CELF3: variants seen among roughly 807,000 people sequenced by gnomAD.
CELF3 encodes CAG repeat domain.
Under a neutral mutation model 59.6 loss-of-function variants are expected in CELF3, and 26 were observed. That is an observed-to-expected ratio of 0.44 (90% CI 0.32 to 0.61). The LOEUF (loss-of-function observed/expected upper bound fraction) is 0.61, where lower values mean the gene tolerates loss of function less well. Ranked by LOEUF, CELF3 falls within the 20% of genes least tolerant of loss-of-function variation. The pLI, the probability that CELF3 is intolerant of heterozygous loss-of-function variation, is 0.06. For missense variants in CELF3, 387 were observed against 627.2 expected (o/e 0.62, Z 4.09); for synonymous variants, 245 against 250.7 (o/e 0.98, Z 0.22).
chr1:151,709,775 T>A lies in CELF3; in HGVS notation c.245A>T (p.Gln82Leu). ...KTLPGMNRPI[Q>L]VKPADSESRG... ...GCTCTCGCTGTCGGCTGGCTTGACC[T>A]GGATCGGCCTGTTCATCTGAAGGAG... Residue 82 changes from glutamine (Q) to leucine (L), a missense_variant, in exon 3 of 13, where the codon CAG becomes CTG. Transcript: ENST00000290583. The surrounding 1 kb of genome is among the most constrained non-coding windows in gnomAD (Gnocchi z 4.9). The A allele has an allele frequency of 6.2e-7, 1 of 1,614,166 alleles. No homozygotes were observed. Among genetic ancestry groups the A allele is most frequent in the Non-Finnish European group, 8.5e-7 (1 of 1,179,996 alleles).
chr1:151,703,169 C>G lies in CELF3; in HGVS notation c.*290G>C, dbSNP rs1672209627. On this transcript the variant is annotated 3_prime_UTR_variant, in exon 13 of 13. Coordinates refer to ENST00000290583, the MANE Select transcript of CELF3 (RefSeq NM_007185.7). ...CAGAAGGCCTGTCACAGGAGCCCAGCAGAAGGCAGATACCCCGGAGCCTTC... is the reference window on the plus strand; with the variant it reads ...CAGAAGGCCTGTCACAGGAGCCCAGGAGAAGGCAGATACCCCGGAGCCTTC... The G allele has an allele frequency of 2.2e-6, 1 of 460,442 alleles. No individual in the cohort carries two copies. The allele number at this position is 460,442 out of a possible 1,614,324, so 28.5% of individuals were successfully genotyped here.
At chr1:151,712,982 G>A (rs1673153332) in intron 2 of CELF3, among the ~76,000 whole-genome samples, 1 of 152,122 alleles carries the variant, frequency 6.6e-6, no homozygotes, top group Admixed American at 6.5e-5. Context: ...GAGAATGCAG[G>A]TAGCAGGAGA....
At position 151,714,594 on chromosome 1, in the gene CELF3, C is replaced by T. The variant is rs932140826; in HGVS notation, c.228G>A (p.Gly76=). ...SALHEQKTLP[G]MNRPIQVKPA... ...TGGCCCTGCAAAGGGCAGGACTCAC[C>T]CCTGGAAGCGTCTTCTGTTCGTGCA... The change falls in exon 2 of 13, where the codon GGG becomes GGA. Residue 76 remains glycine (G), a splice_region_variant and synonymous_variant. Transcript: ENST00000290583. 1 of 1,553,994 alleles carries T rather than the reference C, an allele frequency of 6.4e-7. No homozygotes were observed. Among genetic ancestry groups the T allele is most frequent in the African/African-American group, 1.4e-5 (1 of 73,268 alleles).
In CELF3 at chr1:151,709,622, A is replaced by C. The variant is rs1672850720; in HGVS notation, c.277+121T>G. On this transcript the variant is annotated intron_variant, in intron 3 of 12. Coordinates refer to ENST00000290583, the MANE Select transcript of CELF3 (RefSeq NM_007185.7). This position sits in a 1 kb window ranked among gnomAD's most constrained non-coding sequence, Gnocchi z 4.9. ...GCCACACTGACTCCTATCTCACCGC[A>C]GCTGGGAACTCTTCAGAATCATCAG... The C allele has an allele frequency of 8.9e-7, 1 of 1,120,810 alleles. No individual in the cohort carries two copies. The highest frequency in any genetic ancestry group is 1.5e-5 in the African/African-American group (1 of 65,168). 69.4% of individuals were successfully genotyped at this position (1,120,810 alleles called of 1,614,324 possible). A position where few individuals can be genotyped will look rare whatever the true frequency, so the allele number is the denominator to read the frequency against.
rs560599247 is a variant in CELF3 at position 151,715,527 on chromosome 1, C to G, written c.145+349G>C. 68 of 979,992 alleles carry G rather than the reference C, an allele frequency of 6.9e-5. No individual in the cohort carries two copies. In the African/African-American group the frequency reaches 1.1e-3, roughly 16 times the overall value. The allele number at this position is 979,992 out of a possible 1,614,324, so 60.7% of individuals were successfully genotyped here. ...TTCTCAGTCTTGCTGCACACGCACA[C>G]ACACACACACCCCTACCCAGCTGCT... On this transcript the variant is annotated intron_variant, in intron 1 of 12. Coordinates refer to ENST00000290583, the MANE Select transcript of CELF3 (RefSeq NM_007185.7).
At chr1:151,715,586 C>T (rs1187406609) in intron 1 of CELF3, 1 of 1,402,804 alleles carries the variant, frequency 7.1e-7, no homozygotes, top group East Asian at 3.5e-5. Context: ...TCCCTCCATT[C>T]TTTCTTGAGT....
Position 151,716,352 on chromosome 1 carries a change from G to A in CELF3, c.-332C>T, listed in dbSNP as rs1308154. On this transcript the variant is annotated 5_prime_UTR_variant, in exon 1 of 13. Coordinates refer to ENST00000290583, the MANE Select transcript of CELF3 (RefSeq NM_007185.7). ...CCTGGAGGGTTAGGTGGTAGCCGGG[G>A]GTGCTAGGGCTTAGAGGGCTGGGAA... The A allele has an allele frequency of 0.07, 21,636 of 310,510 alleles. 2,017 individuals carry two copies. Among genetic ancestry groups the A allele is most frequent in the East Asian group, 0.33 (4,983 of 15,150 alleles). 19.2% of individuals were successfully genotyped at this position (310,510 alleles called of 1,614,324 possible).
chr1:151,701,267 C>G lies in CELF3; in HGVS notation c.*2192G>C, dbSNP rs1354194936. On this transcript the variant is annotated 3_prime_UTR_variant, in exon 13 of 13. Transcript: ENST00000290583. ...AGTAGGTACCTAGTGGTGCTGCTTA[C>G]TAATGATGAAGACAGAGGGTGGGGT... 1.3e-5 allele frequency: 2 copies of G among 152,086 alleles called. No homozygotes were observed. The highest frequency in any genetic ancestry group is 4.8e-5 in the African/African-American group (2 of 41,394). The allele number at this position is 152,086 out of a possible 1,614,324, so 9.4% of individuals were successfully genotyped here.
At position 151,705,706 on chromosome 1, in the gene CELF3, CT is replaced by C. The variant is rs1672452421; in HGVS notation, c.1270+115del. The C allele has an allele frequency of 8.4e-7, 1 of 1,196,770 alleles. No homozygotes were observed. Among genetic ancestry groups the C allele is most frequent in the African/African-American group, 1.5e-5 (1 of 66,098 alleles). 74.1% of individuals were successfully genotyped at this position (1,196,770 alleles called of 1,614,324 possible). On this transcript the variant is annotated intron_variant, in intron 11 of 12. Transcript: ENST00000290583. The surrounding 1 kb of genome is among the most constrained non-coding windows in gnomAD (Gnocchi z 5.1). ...TGTGTCAAAATGGCTCTTTTGTACTCTTGGATAATCAGTATTTCAAATACTG... is the reference window on the plus strand; with the variant it reads ...TGTGTCAAAATGGCTCTTTTGTACTCTGGATAATCAGTATTTCAAATACTG...
Position 151,707,235 on chromosome 1 carries a change from C to G in CELF3, c.832G>C (p.Gly278Arg). The G allele has an allele frequency of 6.4e-7, 1 of 1,555,230 alleles. No homozygotes were observed. The change falls in exon 8 of 13, where the codon GGC becomes CGC. Residue 278 changes from glycine (G) to arginine (R), a missense_variant. Gly to Arg is a moderately radical substitution (Grantham distance 125). Transcript: ENST00000290583. ...GGCACCGGGCTGTAGCCGTTGACGC[C>G]CAGGGCAGCCGGAATGGCAGAGACA... ...TPVSAIPAALGVNGYSPVPTQ... is the reference protein window; with the variant it reads ...TPVSAIPAALRVNGYSPVPTQ...
Position 151,703,456 on chromosome 1 carries a change from G to T in CELF3, c.*11-8C>A, listed in dbSNP as rs980035234. 1.2e-5 allele frequency: 4 copies of T among 346,080 alleles called. No homozygotes were observed. Among genetic ancestry groups the T allele is most frequent in the Non-Finnish European group, 2.3e-5 (4 of 173,542 alleles). 21.4% of individuals were successfully genotyped at this position (346,080 alleles called of 1,614,324 possible). On this transcript the variant is annotated splice_polypyrimidine_tract_variant and splice_region_variant and intron_variant, in intron 12 of 12. Transcript: ENST00000290583. Reference sequence around the variant, plus strand: ...CCTCTGGGATCTCCAGACCTGTGAAGGAAGAAACATGGGTGAAGCATGGGG... The same window carrying T: ...CCTCTGGGATCTCCAGACCTGTGAATGAAGAAACATGGGTGAAGCATGGGG...
chr1:151,714,417 C>T, intron 2 of CELF3, 177 bp downstream of exon 2: 1 of 672,378 alleles, frequency 1.5e-6, no homozygotes, highest in Non-Finnish European at 2.7e-6. Context: ...TCCTTCTCTC[C>T]AGGTAACAAG....
chr1:151,709,656 C>A lies in CELF3; in HGVS notation c.277+87G>T. On this transcript the variant is annotated intron_variant, in intron 3 of 12. Coordinates refer to ENST00000290583, the MANE Select transcript of CELF3 (RefSeq NM_007185.7). This position sits in a 1 kb window ranked among gnomAD's most constrained non-coding sequence, Gnocchi z 4.9. Reference sequence around the variant, plus strand: ...CTCTTCAGAATCATCAGGCTTTCTCCCTCAAGAAAGGCTACCCCTCGACAA... The same window carrying A: ...CTCTTCAGAATCATCAGGCTTTCTCACTCAAGAAAGGCTACCCCTCGACAA... 1 of 1,322,130 alleles carries A rather than the reference C, an allele frequency of 7.6e-7. No individual in the cohort carries two copies. 81.9% of individuals were successfully genotyped at this position (1,322,130 alleles called of 1,614,324 possible).
chr1:151,708,585 G>A (rs1023144750), intron 5 of CELF3, among the ~76,000 whole-genome samples: 1 of 152,204 alleles, frequency 6.6e-6, no homozygotes, highest in East Asian at 1.9e-4. Flanking sequence ...TTCCAATTTA[G>A]AGGTGGGCTC....
At position 151,700,199 on chromosome 1, in the gene CELF3, C is replaced by T. The variant is rs930586596; in HGVS notation, c.*3260G>A. Among the ~76,000 whole-genome samples, 3 of 152,116 alleles carry T rather than the reference C, an allele frequency of 2.0e-5. No homozygotes were observed. The highest frequency in any genetic ancestry group is 7.2e-5 in the African/African-American group (3 of 41,392). On this transcript the variant is annotated 3_prime_UTR_variant, in exon 13 of 13. Coordinates refer to ENST00000290583, the MANE Select transcript of CELF3 (RefSeq NM_007185.7). ...TACAGGCTCACAGAAGAATGAGACACTTACGCATGGCCATGATACACAGCA... is the reference window on the plus strand; with the variant it reads ...TACAGGCTCACAGAAGAATGAGACATTTACGCATGGCCATGATACACAGCA...
chr1:151,707,239 G>T lies in CELF3; in HGVS notation c.828C>A (p.Ala276=). The change falls in exon 8 of 13, where the codon GCC becomes GCA. Residue 276 remains alanine (A), a synonymous_variant. Coordinates refer to ENST00000290583, the MANE Select transcript of CELF3 (RefSeq NM_007185.7). ...AATPVSAIPA[A]LGVNGYSPVP... ...CCGGGCTGTAGCCGTTGACGCCCAGGGCAGCCGGAATGGCAGAGACAGGCG... is the reference window on the plus strand; with the variant it reads ...CCGGGCTGTAGCCGTTGACGCCCAGTGCAGCCGGAATGGCAGAGACAGGCG... 6.4e-7 allele frequency: 1 copy of T among 1,557,120 alleles called. No individual in the cohort carries two copies. Among genetic ancestry groups the T allele is most frequent in the Non-Finnish European group, 8.7e-7 (1 of 1,154,040 alleles).
chr1:151,708,627 A>T (rs1055793505), intron 5 of CELF3, among the ~76,000 whole-genome samples: 1 of 152,070 alleles, frequency 6.6e-6, no homozygotes, highest in Non-Finnish European at 1.5e-5. Context: ...GCTGCTGTGC[A>T]GGGGCAGGGA....
chr1:151,709,211 G>A lies in CELF3; in HGVS notation c.406+9C>T. 6.2e-7 allele frequency: 1 copy of A among 1,613,232 alleles called. No individual in the cohort carries two copies. Among genetic ancestry groups the A allele is most frequent in the Non-Finnish European group, 8.5e-7 (1 of 1,179,282 alleles). On this transcript the variant is annotated intron_variant, in intron 4 of 12. Coordinates refer to ENST00000290583, the MANE Select transcript of CELF3 (RefSeq NM_007185.7). The surrounding 1 kb of genome is among the most constrained non-coding windows in gnomAD (Gnocchi z 4.9). Reference sequence around the variant, plus strand: ...GGCCCGGTGGGGAAGGGGGAAGTGGGTGGACTACCTTTGCTGGTGCCATCT... The same window carrying A: ...GGCCCGGTGGGGAAGGGGGAAGTGGATGGACTACCTTTGCTGGTGCCATCT...
At chr1:151,712,736 C>T (rs1384134528) in intron 2 of CELF3, among the ~76,000 whole-genome samples, 2 of 152,168 alleles carry the variant, frequency 1.3e-5, no homozygotes, top group Non-Finnish European at 2.9e-5. Context: ...AAATATCACC[C>T]TAGTATGGTA....
Sources: allele counts gnomAD v4.1 joint callset (sites outside exome capture counted in the v4.1 genomes callset), GRCh38; gene constraint gnomAD v4.1.1; non-coding constraint Gnocchi (gnomAD v3.1); transcripts MANE v1.5; gene names NCBI Gene and HGNC (gene_info 2026-07-23, HGNC 2026-07-21).